POLH: variants seen among roughly 807,000 people sequenced by gnomAD.
The protein encoded by POLH is DNA polymerase eta, also known as DNA polymerase eta transcript.
Under a neutral mutation model 73.6 loss-of-function variants are expected in POLH, and 53 were observed. The ratio of observed to expected loss-of-function variants is 0.72; its 90% CI spans 0.58 to 0.91. The LOEUF is 0.91. Ranked by LOEUF, POLH falls within the 40% of genes least tolerant of loss-of-function variation. The pLI, the probability that POLH is intolerant of heterozygous loss-of-function variation, is 0.00. For missense variants in POLH, 768 were observed against 865.4 expected (o/e 0.89, Z 1.41); for synonymous variants, 292 against 308.5 (o/e 0.95, Z 0.56).
intron 1 of POLH, among the ~76,000 whole-genome samples, chr6:43,581,351 G>T (rs1323742118): frequency 7.3e-6 from 1 of 137,582 alleles, no homozygotes; most frequent in African/African-American, 2.9e-5. Context: ...CTGGGAAGAG[G>T]CGCTCCTCAC....
At chr6:43,594,236 C>A (rs1433453509) in intron 4 of POLH, among the ~76,000 whole-genome samples, 1 of 152,050 alleles carries the variant, frequency 6.6e-6, no homozygotes, top group Non-Finnish European at 1.5e-5. Context: ...GAAAGTCATA[C>A]AATTACAGTA....
intron 1 of POLH, among the ~76,000 whole-genome samples, chr6:43,580,825 C>T (rs1371427381): frequency 7.2e-5 from 10 of 138,336 alleles, no homozygotes; most frequent in African/African-American, 1.4e-4. Flanking sequence ...CTCCTCACTT[C>T]CCAGTAGGGG....
chr6:43,581,798 G>C (rs1460258901), intron 1 of POLH, among the ~76,000 whole-genome samples: 1 of 150,664 alleles, frequency 6.6e-6, no homozygotes, highest in Non-Finnish European at 1.5e-5. Context: ...GCGCAGCCGC[G>C]CCAACCACCA....
chr6:43,605,128 T>C, intron 8 of POLH, 126 bp from the exon 9 acceptor site: 1 of 707,430 alleles, frequency 1.4e-6, no homozygotes, highest in Admixed American at 2.1e-5. Flanking sequence ...CTGGTGATCC[T>C]TTGATTATGG....
Position 43,597,761 on chromosome 6 carries a change from C to T in POLH, c.556C>T (p.Pro186Ser), listed in dbSNP as rs756575357. Residue 186 changes from proline to serine, a missense_variant, in exon 5 of 11, where the codon CCA (proline) becomes TCA (serine). By Grantham distance (74) the Pro-to-Ser change is moderately conservative. Transcript: ENST00000372236. ...TCTTCAGATTGATAACCTCACCTCT[C>T]CAGACCTGCAGCTCACCGTGGGAGC... is the stretch of plus-strand genomic sequence containing the variant. ...DSLQIDNLTS[P>S]DLQLTVGAVI... The T allele has an allele frequency of 1.9e-6, 3 of 1,613,952 alleles. No homozygotes were observed. The South Asian group carries it at 3.3e-5, about 18-fold the overall frequency.
chr6:43,603,781 AT>A, intron 6 of POLH, 110 bp from the exon 7 acceptor site: 1 of 1,041,216 alleles, frequency 9.6e-7, no homozygotes, highest in Non-Finnish European at 1.5e-6. Flanking sequence ...ATATGCTCTC[AT>A]TTGTCCTGAA....
chr6:43,591,286 TTC>T (rs1210412437), intron 4 of POLH: 7 of 152,330 alleles, frequency 4.6e-5, no homozygotes, highest in African/African-American at 1.7e-4. Context: ...GGTCTTACCT[TTC>T]TGTACCACAT....
intron 3 of POLH, among the ~76,000 whole-genome samples, chr6:43,584,791 C>T (rs148941202): frequency 4.1e-4 from 63 of 152,176 alleles, no homozygotes; most frequent in African/African-American, 1.2e-3. Context: ...TTTGCTGAAG[C>T]GACTCACAGA....
At chr6:43,598,432 G>T (rs374848032) in intron 5 of POLH, among the ~76,000 whole-genome samples, 1 of 151,134 alleles carries the variant, frequency 6.6e-6, no homozygotes, top group African/African-American at 2.4e-5. Context: ...TTCGAGACCA[G>T]CCTGACCAAT....
chr6:43,587,264 C>T lies in POLH; in HGVS notation c.273-8C>T, dbSNP rs1764928100. The T allele has an allele frequency of 6.2e-7, 1 of 1,608,712 alleles. No individual in the cohort carries two copies. The highest frequency in any genetic ancestry group is 1.7e-5 in the Admixed American group (1 of 59,992). ...ATTGCCTGCATGAATGATCCTTATA[C>T]TTCTTAGGTACCGGGAAGCCAGTGT... is the stretch of plus-strand genomic sequence containing the variant. On this transcript the variant is annotated splice_polypyrimidine_tract_variant and splice_region_variant and intron_variant, in intron 3 of 10. Coordinates refer to ENST00000372236, the MANE Select transcript of POLH (RefSeq NM_006502.3).
chr6:43,620,119 C>T lies in POLH; in HGVS notation c.*5562C>T. ...CTTGAAAAATATGGGACCAGATTAC[C>T]TTTTGTCTCTAAATTCTACTCTTCT... is the stretch of plus-strand genomic sequence containing the variant. On this transcript the variant is annotated 3_prime_UTR_variant, in exon 11 of 11. Coordinates refer to ENST00000372236, the MANE Select transcript of POLH (RefSeq NM_006502.3). The T allele has an allele frequency of 2.7e-6, 1 of 368,634 alleles. No individual in the cohort carries two copies. Among genetic ancestry groups the T allele is most frequent in the South Asian group, 2.0e-5 (1 of 50,450 alleles). 22.8% of individuals were successfully genotyped at this position (368,634 alleles called of 1,614,324 possible). A position where few individuals can be genotyped will look rare whatever the true frequency, so the allele number is the denominator to read the frequency against.
At chr6:43,582,654 T>A (rs1335889034) in intron 2 of POLH, among the ~76,000 whole-genome samples, 198 bp downstream of exon 2, 1 of 152,072 alleles carries the variant, frequency 6.6e-6, no homozygotes, top group Non-Finnish European at 1.5e-5. Context: ...TCCCAAATAG[T>A]TAGAACTACA....
chr6:43,605,388 G>GGTAAA, intron 9 of POLH, 69 bp downstream of exon 9: 2 of 776,988 alleles, frequency 2.6e-6, no homozygotes, highest in Non-Finnish European at 4.6e-6. Context: ...TTTACCTTAT[G>GGTAAA]GAGCAGGAAC....
chr6:43,592,754 G>A (rs1477159248), intron 4 of POLH, among the ~76,000 whole-genome samples: 2 of 152,116 alleles, frequency 1.3e-5, no homozygotes, highest in African/African-American at 4.8e-5. Flanking sequence ...TAAAGTTTAA[G>A]TAGTAAGATT....
intron 9 of POLH, 118 bp downstream of exon 9, chr6:43,605,437 TTC>T (rs1390165734): frequency 1.7e-6 from 1 of 601,140 alleles, no homozygotes; most frequent in Non-Finnish European, 3.0e-6. Flanking sequence ...AATATCCGTT[TTC>T]TTTCTTTTTT....
At chr6:43,579,877 AT>A (rs1454177498) in intron 1 of POLH, among the ~76,000 whole-genome samples, 2 of 148,896 alleles carry the variant, frequency 1.3e-5, no homozygotes, top group Admixed American at 1.3e-4. Flanking sequence ...TACCTTATTG[AT>A]TGTTGTTGAG....
intron 10 of POLH, among the ~76,000 whole-genome samples, chr6:43,613,087 C>T (rs1768071561): frequency 6.6e-6 from 1 of 152,126 alleles, no homozygotes; most frequent in Admixed American, 6.5e-5. Context: ...TGTGAGCCAC[C>T]GCTCCCGGCT....
chr6:43,614,100 C>G lies in POLH; in HGVS notation c.1685C>G (p.Ala562Gly). Residue 562 changes from alanine to glycine, a missense_variant, in exon 11 of 11, where the codon GCA (alanine) becomes GGA (glycine). Physicochemically the swap from Ala to Gly is moderately conservative, Grantham distance 60 (BLOSUM62 0). Transcript: ENST00000372236. ...PQQNPWSNCKALPNSLPTEYP... is the reference protein window; with the variant it reads ...PQQNPWSNCKGLPNSLPTEYP... ...CAAAACCCATGGTCCAACTGTAAAG[C>G]ATTACCAAACTCTTTACCAACAGAG... The G allele has an allele frequency of 6.2e-7, 1 of 1,614,094 alleles. No individual in the cohort carries two copies. Among genetic ancestry groups the G allele is most frequent in the Non-Finnish European group, 8.5e-7 (1 of 1,179,914 alleles).
chr6:43,584,272 A>T (rs1305243123), intron 3 of POLH, among the ~76,000 whole-genome samples: 2 of 152,236 alleles, frequency 1.3e-5, no homozygotes, highest in African/African-American at 4.8e-5. Context: ...GCTTTGACTT[A>T]GGACCTGACA....
Sources: allele counts gnomAD v4.1 joint callset (sites outside exome capture counted in the v4.1 genomes callset), GRCh38; gene constraint gnomAD v4.1.1; transcripts MANE v1.5; gene names NCBI Gene and HGNC (gene_info 2026-07-23, HGNC 2026-07-21).